The following ZNF678 variants were observed in gnomAD, a reference collection of about 807,000 sequenced individuals.
ZNF678 encodes the protein hypothetical protein MGC42493.
Under a neutral mutation model 3.0 loss-of-function variants are expected in ZNF678, and 5 were observed. The observed-to-expected ratio is 1.69, with a 90% confidence interval of 0.88 to 3.56. The LOEUF is 3.56. Among genes scored for constraint, ZNF678 ranks in the 30% most tolerant of loss-of-function variants. The probability of loss-of-function intolerance (pLI) is 0.00; values close to 1 mark genes in which losing one functional copy is unlikely to be tolerated. For missense variants in ZNF678, 593 were observed against 605.0 expected (o/e 0.98, Z 0.21); for synonymous variants, 218 against 199.6 (o/e 1.09, Z -0.78).
At chr1:227,588,900 CT>C (rs34957575) in intron 1 of ZNF678, among the ~76,000 whole-genome samples, 95,641 of 147,220 alleles carry the variant, frequency 0.65, 31,528 homozygotes, top group East Asian at 0.79. Flanking sequence ...TGATGTTAAG[CT>C]TTTTTTTTTT....
intron 1 of ZNF678, among the ~76,000 whole-genome samples, chr1:227,636,677 A>G (rs1315489073): frequency 6.6e-6 from 1 of 152,154 alleles, no homozygotes. Flanking sequence ...TATTATATAC[A>G]GGGACTCCGA....
intron 1 of ZNF678, among the ~76,000 whole-genome samples, chr1:227,568,963 G>A (rs925023405): frequency 2.0e-5 from 3 of 152,196 alleles, no homozygotes; most frequent in African/African-American, 7.2e-5. Context: ...GCTCTGTTCT[G>A]TACACAGGCT....
chr1:227,664,364 G>A (rs919245488), downstream of ZNF678, among the ~76,000 whole-genome samples: 5 of 152,126 alleles, frequency 3.3e-5, no homozygotes, highest in East Asian at 2.0e-4. Context: ...TAAGGCTTCC[G>A]ACACTTGATA....
At position 227,654,765 on chromosome 1, in the gene ZNF678, A is replaced by G. The variant is rs764631096; in HGVS notation, c.515A>G (p.Lys172Arg). 13 of 1,612,978 alleles carry G rather than the reference A, an allele frequency of 8.1e-6. No individual in the cohort carries two copies. The highest frequency in any genetic ancestry group is 1.0e-5 in the Non-Finnish European group (12 of 1,179,368). ...FNWWSQLTNH[K>R]KIHTGEKPYK... The stretch of plus-strand genomic sequence containing the variant: ...TGGTGGTCACAACTAACTAACCATA[A>G]GAAAATTCATACTGGAGAGAAACCC... Residue 172 changes from lysine to arginine, a missense_variant, in exon 4 of 4, where the codon AAG (lysine) becomes AGG (arginine). Coordinates refer to ENST00000343776, the MANE Select transcript of ZNF678 (RefSeq NM_001367909.1).
At chr1:227,573,104 C>T (rs980225982) in intron 1 of ZNF678, among the ~76,000 whole-genome samples, 2 of 152,040 alleles carry the variant, frequency 1.3e-5, no homozygotes, top group Non-Finnish European at 1.5e-5. Context: ...TACCCAGGTG[C>T]GGTGACAAGA....
chr1:227,654,253 ATATAAT>A lies in ZNF678; in HGVS notation c.86-78_86-73del, dbSNP rs537732152. The A allele has an allele frequency of 2.0e-4, 211 of 1,076,878 alleles. 1 individual carries two copies. The highest frequency in any genetic ancestry group is 1.9e-3 in the Middle Eastern group (6 of 3,096). The allele number at this position is 1,076,878 out of a possible 1,614,324, so 66.7% of individuals were successfully genotyped here. On this transcript the variant is annotated intron_variant, in intron 3 of 3. Coordinates refer to ENST00000343776, the MANE Select transcript of ZNF678 (RefSeq NM_001367909.1). The stretch of plus-strand genomic sequence containing the variant: ...TTATGCCATCTTGTTAATGTCTCTG[ATATAAT>A]TATATTTATTAGATTTGTAAAGTAT...
Position 227,659,956 on chromosome 1 carries a change from C to T in ZNF678, c.*4128C>T, listed in dbSNP as rs894778709. On this transcript the variant is annotated 3_prime_UTR_variant, in exon 4 of 4. Coordinates refer to ENST00000343776, the MANE Select transcript of ZNF678 (RefSeq NM_001367909.1). The stretch of plus-strand genomic sequence containing the variant: ...AATAGGTCTCTTGAACTAATTCCTC[C>T]TAGCTAACAGGCATTGTTTATCATT... 5.3e-5 allele frequency: 8 copies of T among 151,512 alleles called. No homozygotes were observed. The highest frequency in any genetic ancestry group is 5.3e-4 in the Admixed American group (8 of 15,230). The allele number at this position is 151,512 out of a possible 1,614,324, so 9.4% of individuals were successfully genotyped here.
downstream of ZNF678, among the ~76,000 whole-genome samples, chr1:227,667,200 C>T (rs963328156): frequency 6.6e-6 from 1 of 151,944 alleles, no homozygotes; most frequent in Admixed American, 6.6e-5. Context: ...CACGCCAGCA[C>T]ACCCAGCTAA....
chr1:227,628,141 T>A (rs1352723570), intron 1 of ZNF678, among the ~76,000 whole-genome samples: 1 of 152,236 alleles, frequency 6.6e-6, no homozygotes, highest in Non-Finnish European at 1.5e-5. Flanking sequence ...TGTATCATTT[T>A]AACTGCTTCA....
intron 1 of ZNF678, among the ~76,000 whole-genome samples, chr1:227,583,631 A>C (rs1657189326): frequency 6.6e-6 from 1 of 152,068 alleles, no homozygotes. Context: ...AAAGATACAG[A>C]TTATATTTAG....
At chr1:227,565,032 CTGT>C (rs1430090461) in intron 1 of ZNF678, among the ~76,000 whole-genome samples, 1 of 139,286 alleles carries the variant, frequency 7.2e-6, no homozygotes, top group Non-Finnish European at 1.5e-5. Context: ...CACGCCTGGC[CTGT>C]TGTTTTTTCC....
In ZNF678 at chr1:227,669,102, A is replaced by G. The variant is rs1440843005; in HGVS notation, c.227-8077A>G. ...AAAGATTTTCTGCAAAGTGGAAAAA[A>G]AAAAAACCACTAACAGAGTAAACAA... On this transcript the variant is annotated intron_variant, in intron 5 of 5. Transcript: ENST00000608949. Among the ~76,000 whole-genome samples the G allele has an allele frequency of 2.6e-5, 4 of 152,098 alleles. No individual in the cohort carries two copies. The East Asian group carries it at 7.7e-4, about 29-fold the overall frequency.
At chr1:227,633,888 A>G (rs1658611831) in intron 1 of ZNF678, among the ~76,000 whole-genome samples, 3 of 152,184 alleles carry the variant, frequency 2.0e-5, no homozygotes, top group African/African-American at 4.8e-5. Flanking sequence ...TACATGAGCT[A>G]GGGCAGCTAA....
intron 3 of ZNF678, 30 bp downstream of exon 3, chr1:227,651,106 G>A: frequency 6.2e-7 from 1 of 1,607,658 alleles, no homozygotes; most frequent in Non-Finnish European, 8.5e-7. Context: ...GGGTCTCCAG[G>A]CTGATGAGAT....
chr1:227,571,958 C>T (rs913534192), intron 1 of ZNF678, among the ~76,000 whole-genome samples: 2 of 152,318 alleles, frequency 1.3e-5, no homozygotes, highest in East Asian at 3.9e-4. Context: ...AGGAGAATGG[C>T]GTGAACCTGG....
intron 5 of ZNF678, among the ~76,000 whole-genome samples, chr1:227,670,206 T>C (rs1659576513): frequency 6.6e-6 from 1 of 152,206 alleles, no homozygotes; most frequent in South Asian, 2.1e-4. Context: ...AAAGACTACC[T>C]GTGGGTGCCA....
intron 1 of ZNF678, among the ~76,000 whole-genome samples, chr1:227,583,931 C>A (rs1305840221): frequency 6.6e-6 from 1 of 152,106 alleles, no homozygotes; most frequent in Admixed American, 6.6e-5. Context: ...ACCCATGCAT[C>A]CAAAAACAAG....
chr1:227,585,044 C>T (rs528977712), intron 1 of ZNF678, among the ~76,000 whole-genome samples: 1 of 152,196 alleles, frequency 6.6e-6, no homozygotes, highest in African/African-American at 2.4e-5. Flanking sequence ...AAACTAGGAC[C>T]TAGAATTTGA....
intron 1 of ZNF678, among the ~76,000 whole-genome samples, chr1:227,623,857 C>G (rs901514770): frequency 2.6e-5 from 4 of 152,134 alleles, no homozygotes; most frequent in Non-Finnish European, 5.9e-5. Context: ...ATACTAACTG[C>G]AGCATTCTTT....
Sources: gnomAD v4.1 joint callset for allele counts (sites outside exome capture counted in the v4.1 genomes callset) on GRCh38, gnomAD v4.1.1 for gene constraint, MANE v1.5 for transcripts, NCBI Gene and HGNC (gene_info 2026-07-23, HGNC 2026-07-21) for gene names.